Variants in DIS3L2 observed in about 807,000 individuals in gnomAD.
The protein encoded by DIS3L2 is DIS3 like 3'-5' exoribonuclease 2, also known as DIS3-like exonuclease 2.
In DIS3L2, 34 loss-of-function variants were observed where a neutral mutation model predicts 97.5. That is an observed-to-expected ratio of 0.35 (90% confidence interval 0.27 to 0.46). DIS3L2 has a LOEUF of 0.46. Among genes scored for constraint, DIS3L2 ranks in the 20% least tolerant of loss-of-function variants. DIS3L2 has a pLI of 1.00. For synonymous variants in DIS3L2, 435 were observed against 445.2 expected (o/e 0.98, Z 0.29); for missense variants, 1,038 against 1,146.0 (o/e 0.91, Z 1.36).
intron 10 of DIS3L2, among the ~76,000 whole-genome samples, chr2:232,226,408 T>G (rs1692649975): frequency 6.6e-6 from 1 of 152,250 alleles, no homozygotes; most frequent in Admixed American, 6.5e-5. Context: ...TCTCTGAGTC[T>G]GAATGTCTTC....
intron 6 of DIS3L2, among the ~76,000 whole-genome samples, chr2:232,117,176 G>A (rs1184366506): frequency 1.3e-5 from 2 of 152,128 alleles, no homozygotes; most frequent in South Asian, 2.1e-4. Flanking sequence ...TCTCTGGGCC[G>A]ACCCTGGTGT....
intron 9 of DIS3L2, among the ~76,000 whole-genome samples, chr2:232,166,455 T>C (rs986575619): frequency 6.6e-6 from 1 of 152,080 alleles, no homozygotes; most frequent in Non-Finnish European, 1.5e-5. Flanking sequence ...CCGGGCGCCG[T>C]GGCTCAACGC....
intron 3 of DIS3L2, among the ~76,000 whole-genome samples, chr2:232,021,552 C>G (rs1442046981): frequency 6.6e-6 from 1 of 151,492 alleles, no homozygotes; most frequent in Non-Finnish European, 1.5e-5. Context: ...GTTAGAGTGA[C>G]AGGCTAGGGT....
intron 1 of DIS3L2, among the ~76,000 whole-genome samples, chr2:231,986,001 G>A (rs1019698172): frequency 7.2e-5 from 11 of 152,174 alleles, no homozygotes; most frequent in African/African-American, 1.9e-4. Flanking sequence ...TTGCTGAGTC[G>A]TCTGGCTTTT....
At chr2:232,205,163 T>C (rs530294504) in intron 9 of DIS3L2, among the ~76,000 whole-genome samples, 2 of 151,598 alleles carry the variant, frequency 1.3e-5, no homozygotes, top group East Asian at 3.9e-4. Flanking sequence ...TATACATATG[T>C]ATTTAGTTAT....
intron 5 of DIS3L2, among the ~76,000 whole-genome samples, chr2:232,048,209 CAAGTT>C (rs1695296054): frequency 1.3e-5 from 2 of 152,286 alleles, no homozygotes; most frequent in Admixed American, 6.5e-5. Flanking sequence ...AATGTATACA[CAAGTT>C]AAGCCCTAAA....
intron 11 of DIS3L2, among the ~76,000 whole-genome samples, chr2:232,242,717 A>C (rs1574967472): frequency 6.6e-6 from 1 of 151,720 alleles, no homozygotes; most frequent in East Asian, 1.9e-4. Flanking sequence ...ATTTCTCTCT[A>C]CTCTCTCAAG....
intron 9 of DIS3L2, among the ~76,000 whole-genome samples, chr2:232,192,807 A>G (rs969416301): frequency 4.1e-4 from 62 of 152,226 alleles, no homozygotes; most frequent in African/African-American, 1.4e-3. Context: ...CAAGTAACAG[A>G]AACCACTGGA....
Position 232,336,548 on chromosome 2 carries a change from G to A in DIS3L2, c.2576G>A (p.Arg859Gln), listed in dbSNP as rs570999208. The A allele has an allele frequency of 7.5e-6, 12 of 1,609,806 alleles. No individual in the cohort carries two copies. The highest frequency in any genetic ancestry group is 4.5e-5 in the East Asian group (2 of 44,876). ...CTCAAGTACAGCGCCATCCTGAAGC[G>A]GCCAGGCACCCAGGGCCACCTGGGC... Reference protein sequence around the residue: ...TALKYSAILKRPGTQGHLGPE... With the variant: ...TALKYSAILKQPGTQGHLGPE... Residue 859 changes from arginine to glutamine, a missense_variant, in exon 21 of 21, where the codon CGG (arginine) becomes CAG (glutamine). By Grantham distance (43) the Arg-to-Gln change is conservative. Around this residue, in one of 3 missense-constraint regions of DIS3L2, gnomAD observed 221 missense variants for 246.9 expected, o/e 0.90. Coordinates refer to ENST00000325385, the MANE Select transcript of DIS3L2 (RefSeq NM_152383.5).
intron 6 of DIS3L2, among the ~76,000 whole-genome samples, chr2:232,110,193 C>A (rs1025653774): frequency 2.0e-5 from 3 of 152,116 alleles, no homozygotes; most frequent in Admixed American, 6.5e-5. Flanking sequence ...CAAAAAACAA[C>A]AGATGCTGGC....
chr2:231,966,010 G>A (rs1692699154), intron 1 of DIS3L2, among the ~76,000 whole-genome samples: 1 of 151,988 alleles, frequency 6.6e-6, no homozygotes, highest in South Asian at 2.1e-4. Context: ...CCTTCAAAAA[G>A]TTTTTGTTTT....
At chr2:232,075,554 C>A (rs1696162163) in intron 5 of DIS3L2, among the ~76,000 whole-genome samples, 1 of 152,130 alleles carries the variant, frequency 6.6e-6, no homozygotes, top group African/African-American at 2.4e-5. Flanking sequence ...TTATGGGTAA[C>A]CCTCTAATCT....
At chr2:232,062,861 T>TTTCCCTTCC (rs551546632) in intron 5 of DIS3L2, among the ~76,000 whole-genome samples, 105 of 152,170 alleles carry the variant, frequency 6.9e-4, no homozygotes, top group African/African-American at 2.5e-3. Context: ...CTCTCTCTCC[T>TTTCCCTTCC]TTCCCTTCCT....
chr2:232,012,488 ATTCCAGCGC>A (rs143187533), intron 1 of DIS3L2, among the ~76,000 whole-genome samples: 1 of 147,880 alleles, frequency 6.8e-6, no homozygotes. Context: ...CCCATTTTCA[ATTCCAGCGC>A]TTGTTTTTGG....
At chr2:232,295,117 T>A (rs1346377883) in intron 13 of DIS3L2, among the ~76,000 whole-genome samples, 1 of 152,148 alleles carries the variant, frequency 6.6e-6, no homozygotes, top group Non-Finnish European at 1.5e-5. Flanking sequence ...TAGAAAAAAA[T>A]TAACAGTGGG....
intron 9 of DIS3L2, among the ~76,000 whole-genome samples, chr2:232,189,085 A>G (rs1466654680): frequency 1.3e-5 from 2 of 152,216 alleles, no homozygotes; most frequent in Admixed American, 1.3e-4. Context: ...TCTAAGCAAT[A>G]CCAAGTGCTG....
chr2:232,129,157 C>T (rs142248731), intron 6 of DIS3L2, among the ~76,000 whole-genome samples: 49 of 152,280 alleles, frequency 3.2e-4, no homozygotes, highest in Non-Finnish European at 5.6e-4. Flanking sequence ...GCTGTTTGCC[C>T]AGGATTTAGG....
intron 9 of DIS3L2, among the ~76,000 whole-genome samples, chr2:232,169,908 G>A (rs1261750907): frequency 2.6e-5 from 4 of 152,164 alleles, no homozygotes; most frequent in Non-Finnish European, 5.9e-5. Flanking sequence ...GAGAGAAATA[G>A]TGTTTATTTT....
At chr2:232,083,302 A>G (rs1432862357) in intron 5 of DIS3L2, among the ~76,000 whole-genome samples, 1 of 136,782 alleles carries the variant, frequency 7.3e-6, no homozygotes, top group Admixed American at 7.5e-5. Flanking sequence ...CCCCACATAT[A>G]CATACATGCA....
Sources: allele counts gnomAD v4.1 joint callset (sites outside exome capture counted in the v4.1 genomes callset), GRCh38; gene constraint gnomAD v4.1.1; regional missense constraint gnomAD v4.1.1; transcripts MANE v1.5; gene names NCBI Gene and HGNC (gene_info 2026-07-23, HGNC 2026-07-21).